Variants in PLCH2 observed in about 807,000 individuals in gnomAD.
The protein encoded by PLCH2 is 1-phosphatidylinositol 4,5-bisphosphate phosphodiesterase eta-2.
A neutral mutation model predicts 134.7 loss-of-function variants in PLCH2; 98 were observed. The ratio of observed to expected loss-of-function variants is 0.73; its 90% CI spans 0.62 to 0.86. The LOEUF (loss-of-function observed/expected upper bound fraction) is 0.86, where lower values mean the gene tolerates loss of function less well. PLCH2 is among the 40% of genes least tolerant of loss of function. The pLI is 0.00. For synonymous variants in PLCH2, 974 were observed against 827.5 expected, an observed-to-expected ratio of 1.18 and a Z score of -3.04; for missense variants, 1,994 against 1,986.6, an observed-to-expected ratio of 1.00 and a Z score of -0.07.
chr1:2,434,753 C>T (rs1425159766), intron 2 of PLCH2, among the ~76,000 whole-genome samples: 1 of 152,214 alleles, frequency 6.6e-6, no homozygotes, highest in East Asian at 1.9e-4. Context: ...TGTGTCCCCA[C>T]TCTGGGGCCA....
rs757705321 is a variant in PLCH2 at position 2,487,046 on chromosome 1, G to C, written c.910+46G>C. ...AGCCCAGCTGTCCTGGGATGCTGGA[G>C]GGGCAACGAGGGCCCAACCTGTGGG... On this transcript the variant is annotated intron_variant, in intron 6 of 21. Coordinates refer to ENST00000378486, the MANE Select transcript of PLCH2 (RefSeq NM_014638.4). 1.2e-5 allele frequency: 19 copies of C among 1,535,706 alleles called. No individual in the cohort carries two copies. In the South Asian group the frequency reaches 2.0e-4, roughly 16 times the overall value.
At chr1:2,483,479 G>A (rs1558004171) in intron 4 of PLCH2, among the ~76,000 whole-genome samples, 1 of 152,202 alleles carries the variant, frequency 6.6e-6, no homozygotes, top group African/African-American at 2.4e-5. Flanking sequence ...GCTAGGCACT[G>A]CGTCCCTTTG....
Position 2,490,585 on chromosome 1 carries a change from G to A in PLCH2, c.1516-607G>A, listed in dbSNP as rs534644913. ...ATGCATGGGGAGATAATTGTGCAGC[G>A]TGCTCCTGGCCACGCGGCCAACCAT... On this transcript the variant is annotated intron_variant, in intron 10 of 21. Transcript: ENST00000378486. 1.9e-3 allele frequency among the ~76,000 whole-genome samples: 286 copies of A among 152,314 alleles called. 1 individual carries two copies. Among genetic ancestry groups the A allele is most frequent in the Non-Finnish European group, 3.5e-3 (239 of 68,012 alleles).
upstream of PLCH2, among the ~76,000 whole-genome samples, chr1:2,474,496 G>A (rs1213402820): frequency 1.3e-5 from 2 of 152,092 alleles, no homozygotes; most frequent in African/African-American, 2.4e-5. Flanking sequence ...GACCCACGTT[G>A]TGGGGCTGGG....
intron 2 of PLCH2, among the ~76,000 whole-genome samples, chr1:2,454,036 G>A (rs1442117937): frequency 1.3e-5 from 2 of 152,128 alleles, no homozygotes; most frequent in Non-Finnish European, 2.9e-5. Flanking sequence ...GGGTTCCGGG[G>A]GTGCCGCAAG....
chr1:2,437,544 C>T lies in PLCH2; in HGVS notation c.115+6915C>T, dbSNP rs540379923. 1.8e-4 allele frequency among the ~76,000 whole-genome samples: 28 copies of T among 151,982 alleles called. No individual in the cohort carries two copies. In the East Asian group the frequency reaches 5.0e-3, roughly 27 times the overall value. On this transcript the variant is annotated intron_variant, in intron 2 of 3. Transcript: ENST00000609981. ...CCGACTCAGCCTGGGGGTTTCTCTC[C>T]TGTCCCATGTCCCACTCTTTGCTCC... is the stretch of plus-strand genomic sequence containing the variant.
At position 2,498,334 on chromosome 1, in the gene PLCH2, A is replaced by C. The variant is rs1643007993; in HGVS notation, c.2225-189A>C. On this transcript the variant is annotated intron_variant, in intron 16 of 21. Transcript: ENST00000378486. The surrounding 1 kb of genome is among the most constrained non-coding windows in gnomAD (Gnocchi z 5.4). ...TGTCCCACATGCTGCGGTAGCCACA[A>C]AGGTGATCCATACTGGGCCAGGTGC... is the stretch of plus-strand genomic sequence containing the variant. The C allele has an allele frequency of 1.6e-6, 1 of 610,380 alleles. No individual in the cohort carries two copies. Among genetic ancestry groups the C allele is most frequent in the Non-Finnish European group, 2.9e-6 (1 of 349,032 alleles). The allele number at this position is 610,380 out of a possible 1,614,324, so 37.8% of individuals were successfully genotyped here.
At chr1:2,450,737 C>T (rs1191956426) in intron 2 of PLCH2, among the ~76,000 whole-genome samples, 5 of 99,104 alleles carry the variant, frequency 5.0e-5, no homozygotes, top group Non-Finnish European at 8.3e-5. Context: ...GCCTACCCCC[C>T]GCTCCCCGCC....
chr1:2,458,005 C>T (rs571397771), intron 2 of PLCH2, among the ~76,000 whole-genome samples: 2 of 152,086 alleles, frequency 1.3e-5, no homozygotes, highest in Non-Finnish European at 2.9e-5. Context: ...GGAGGCCGCA[C>T]AGGCAAGGGG....
upstream of PLCH2, among the ~76,000 whole-genome samples, chr1:2,471,838 C>T (rs905642986): frequency 3.3e-5 from 5 of 152,190 alleles, no homozygotes; most frequent in East Asian, 3.9e-4. Flanking sequence ...GGGCCCCCTC[C>T]GGCCTGCTCC....
intron 11 of PLCH2, chr1:2,494,494 C>T (rs1281960399): frequency 2.7e-6 from 1 of 365,726 alleles, no homozygotes; most frequent in Non-Finnish European, 5.2e-6. Context: ...GTATTCCAGG[C>T]ACACAAACGC....
intron 3 of PLCH2, 51 bp from the exon 4 acceptor site, chr1:2,480,132 G>A (rs774536772): frequency 6.2e-7 from 1 of 1,606,218 alleles, no homozygotes; most frequent in Non-Finnish European, 8.5e-7. Context: ...GAGGGTGGAG[G>A]TGTCAGGGCT....
chr1:2,435,012 G>A (rs1407629960), intron 2 of PLCH2, among the ~76,000 whole-genome samples: 8 of 152,210 alleles, frequency 5.3e-5, no homozygotes, highest in Non-Finnish European at 1.0e-4. Context: ...TGGCCTGCGA[G>A]CCTCAGCATG....
chr1:2,462,606 C>A (rs1640878314), upstream of PLCH2, among the ~76,000 whole-genome samples: 2 of 152,148 alleles, frequency 1.3e-5, no homozygotes, highest in Admixed American at 1.3e-4. Context: ...CAGGTCCTCA[C>A]TGGTCTGTCT....
At chr1:2,431,287 C>T (rs1336177622) in intron 2 of PLCH2, among the ~76,000 whole-genome samples, 2 of 151,780 alleles carry the variant, frequency 1.3e-5, no homozygotes, top group East Asian at 1.9e-4. Context: ...TGCCTGCACT[C>T]GTGAGGGTCT....
chr1:2,436,434 C>CTCCACCTT (rs1553238874), intron 2 of PLCH2, among the ~76,000 whole-genome samples: 1 of 45,644 alleles, frequency 2.2e-5, no homozygotes, highest in African/African-American at 1.8e-4. Context: ...TCCTTTCTCC[C>CTCCACCTT]TCCTCCCTTC....
At chr1:2,449,746 G>A (rs564118504) in intron 2 of PLCH2, among the ~76,000 whole-genome samples, 3 of 152,218 alleles carry the variant, frequency 2.0e-5, no homozygotes, top group Non-Finnish European at 4.4e-5. Flanking sequence ...GCTGAGATGA[G>A]CCAGCAGTAG....
rs35678459 is a variant in PLCH2 at position 2,446,351 on chromosome 1, C to T, written c.115+15722C>T. On this transcript the variant is annotated intron_variant, in intron 2 of 3. Transcript: ENST00000609981. ...TTCACTTGTGGCTCAGCCCTGCCTG[C>T]GATTTGGGGGTTGAGGCTGGAGTTA... 9.8e-3 allele frequency among the ~76,000 whole-genome samples: 1,488 copies of T among 152,302 alleles called. 13 individuals are homozygous for T. Among genetic ancestry groups the T allele is most frequent in the Non-Finnish European group, 0.016 (1,082 of 68,018 alleles).
In PLCH2 at chr1:2,498,237, A is replaced by C. The variant is rs1643002597; in HGVS notation, c.2225-286A>C. The C allele has an allele frequency of 5.1e-6, 2 of 392,400 alleles. No individual in the cohort carries two copies. The highest frequency in any genetic ancestry group is 3.6e-5 in the South Asian group (1 of 27,912). The allele number at this position is 392,400 out of a possible 1,614,324, so 24.3% of individuals were successfully genotyped here. A position where few individuals can be genotyped will look rare whatever the true frequency, so the allele number is the denominator to read the frequency against. On this transcript the variant is annotated intron_variant, in intron 16 of 21. Coordinates refer to ENST00000378486, the MANE Select transcript of PLCH2 (RefSeq NM_014638.4). This position sits in a 1 kb window ranked among gnomAD's most constrained non-coding sequence, Gnocchi z 5.4. ...TGTCACCAGAGACCCCACCCCTCAT[A>C]CCCCCAGGGACCCAGACCCACCCCC...
Sources: allele counts gnomAD v4.1 joint callset (sites outside exome capture counted in the v4.1 genomes callset), GRCh38; gene constraint gnomAD v4.1.1; non-coding constraint Gnocchi (gnomAD v3.1); transcripts MANE v1.5; gene names NCBI Gene and HGNC (gene_info 2026-07-23, HGNC 2026-07-21).